The following TMEM233 variants were observed in gnomAD, a reference collection of about 807,000 sequenced individuals.
TMEM233 encodes transmembrane protein 233, also known as dispanin subfamily B member 2.
Under a neutral mutation model 11.2 loss-of-function variants are expected in TMEM233, and 6 were observed. The observed-to-expected ratio is 0.54, with a 90% CI of 0.29 to 1.06. TMEM233 has a LOEUF of 1.06. Ranked by LOEUF, TMEM233 falls within the 50% of genes least tolerant of loss-of-function variation. The probability of loss-of-function intolerance (pLI) is 0.08; values close to 1 mark genes in which losing one functional copy is unlikely to be tolerated. For missense variants in TMEM233, 127 were observed against 144.7 expected, an observed-to-expected ratio of 0.88 and a Z score of 0.63; for synonymous variants, 59 against 55.8, an observed-to-expected ratio of 1.06 and a Z score of -0.26.
At chr12:119,602,237 G>A (rs1028179116) in intron 1 of TMEM233, among the ~76,000 whole-genome samples, 2 of 152,206 alleles carry the variant, frequency 1.3e-5, no homozygotes, top group African/African-American at 2.4e-5. Flanking sequence ...CTTCAGCTAG[G>A]TGTAGGGAGA....
chr12:119,635,060 A>C (rs1954946567), intron 2 of TMEM233, among the ~76,000 whole-genome samples: 1 of 152,246 alleles, frequency 6.6e-6, no homozygotes, highest in Non-Finnish European at 1.5e-5. Context: ...TCCGCCCTCA[A>C]GCTGCTAGGG....
chr12:119,594,267 C>A lies in TMEM233; in HGVS notation c.186+233C>A. 1 of 505,636 alleles carries A rather than the reference C, an allele frequency of 2.0e-6. No individual in the cohort carries two copies. The highest frequency in any genetic ancestry group is 3.5e-6 in the Non-Finnish European group (1 of 286,058). 31.3% of individuals were successfully genotyped at this position (505,636 alleles called of 1,614,324 possible). A position where few individuals can be genotyped will look rare whatever the true frequency, so the allele number is the denominator to read the frequency against. On this transcript the variant is annotated intron_variant, in intron 1 of 2. Coordinates refer to ENST00000426426, the MANE Select transcript of TMEM233 (RefSeq NM_001136534.3). This position sits in a 1 kb window ranked among gnomAD's most constrained non-coding sequence, Gnocchi z 5.6. ...GTACTCAGAGCCCTGATCAAGCTTC[C>A]CCCAGGCTAGCTTTCCTCTTCTTTC... is the stretch of plus-strand genomic sequence containing the variant.
At chr12:119,625,494 T>C (rs12708371) in intron 1 of TMEM233, among the ~76,000 whole-genome samples, 116,004 of 151,924 alleles carry the variant, frequency 0.76, 44,523 homozygotes, top group Middle Eastern at 0.85. Context: ...CTCAGCCTCC[T>C]GAGAAACTTA....
At chr12:119,635,205 T>C (rs999220012) in intron 2 of TMEM233, among the ~76,000 whole-genome samples, 2 of 152,182 alleles carry the variant, frequency 1.3e-5, no homozygotes, top group Non-Finnish European at 2.9e-5. Flanking sequence ...CCTTGAGGAC[T>C]CAAGCAAGGT....
At chr12:119,615,415 T>C in intron 1 of TMEM233, among the ~76,000 whole-genome samples, 1 of 152,170 alleles carries the variant, frequency 6.6e-6, no homozygotes, top group South Asian at 2.1e-4. Flanking sequence ...TTCTCAAGTC[T>C]AGCTGCACTC....
intron 1 of TMEM233, among the ~76,000 whole-genome samples, chr12:119,605,239 C>G (rs898070465): frequency 6.6e-6 from 1 of 151,938 alleles, no homozygotes; most frequent in African/African-American, 2.4e-5. Context: ...CATATTGACA[C>G]AATTTCACTT....
intron 2 of TMEM233, among the ~76,000 whole-genome samples, chr12:119,638,971 A>G (rs1018527062): frequency 6.6e-6 from 1 of 151,414 alleles, no homozygotes; most frequent in African/African-American, 2.4e-5. Flanking sequence ...CTCCCATCCC[A>G]CATCCTCATC....
rs550721402 is a variant in TMEM233, at chr12:119,595,826, A to G, written c.186+1792A>G. On this transcript the variant is annotated intron_variant, in intron 1 of 2. Transcript: ENST00000426426. The surrounding 1 kb of genome is among the most constrained non-coding windows in gnomAD (Gnocchi z 4.3). The stretch of plus-strand genomic sequence containing the variant: ...TTCCCTGCTACCTTTTGACCAAATT[A>G]CTTCTCTCCATCTGATATAGTATTT... Among the ~76,000 whole-genome samples, 1 of 152,140 alleles carries G rather than the reference A, an allele frequency of 6.6e-6. No individual in the cohort carries two copies. The highest frequency in any genetic ancestry group is 1.5e-5 in the Non-Finnish European group (1 of 67,986).
chr12:119,618,682 G>A (rs1177605041), intron 1 of TMEM233, among the ~76,000 whole-genome samples: 2 of 152,102 alleles, frequency 1.3e-5, no homozygotes, highest in Non-Finnish European at 2.9e-5. Context: ...ACTTTGTTTT[G>A]GCCAATTTCT....
chr12:119,652,973 C>T, the TMEM233 span, among the ~76,000 whole-genome samples: 1 of 152,144 alleles, frequency 6.6e-6, no homozygotes, highest in Non-Finnish European at 1.5e-5. Flanking sequence ...CAAACCATAC[C>T]TTCGTAACAT....
At chr12:119,619,643 G>GA (rs200868440) in intron 1 of TMEM233, among the ~76,000 whole-genome samples, 2,085 of 126,896 alleles carry the variant, frequency 0.016, 13 homozygotes, top group Middle Eastern at 0.036. Flanking sequence ...CCTGTCTCAA[G>GA]AAAAAAAAAA....
downstream of TMEM233, among the ~76,000 whole-genome samples, chr12:119,645,320 C>CAAA (rs3078450): frequency 5.8e-3 from 431 of 74,798 alleles, 10 homozygotes; most frequent in African/African-American, 0.02. Context: ...CACCAATTAC[C>CAAA]AAAAAAAAAA....
chr12:119,639,934 CAAAAA>C (rs1291837090), intron 2 of TMEM233, among the ~76,000 whole-genome samples: 1 of 151,824 alleles, frequency 6.6e-6, no homozygotes, highest in Non-Finnish European at 1.5e-5. Flanking sequence ...ATGAGTAAAA[CAAAAA>C]AAGAAATTGC....
At chr12:119,615,924 C>T (rs1005744396) in intron 1 of TMEM233, among the ~76,000 whole-genome samples, 4 of 152,146 alleles carry the variant, frequency 2.6e-5, no homozygotes, top group East Asian at 3.8e-4. Context: ...ACTGTCTTGC[C>T]GTCCCCCACA....
In TMEM233 at chr12:119,642,605, G is replaced by T. The variant is rs1955099819; in HGVS notation, c.*1900G>T. 1 of 152,084 alleles carries T rather than the reference G, an allele frequency of 6.6e-6. No individual in the cohort carries two copies. Among genetic ancestry groups the T allele is most frequent in the Non-Finnish European group, 1.5e-5 (1 of 68,004 alleles). 9.4% of individuals were successfully genotyped at this position (152,084 alleles called of 1,614,324 possible). A position where few individuals can be genotyped will look rare whatever the true frequency, so the allele number is the denominator to read the frequency against. ...TAACTAGCTATGCAAGCTGATTTTA[G>T]GCAAGTTTCATAGCCTCTCTGTGCC... On this transcript the variant is annotated 3_prime_UTR_variant, in exon 3 of 3. Coordinates refer to ENST00000426426, the MANE Select transcript of TMEM233 (RefSeq NM_001136534.3).
chr12:119,633,895 G>A (rs754639328), intron 2 of TMEM233, among the ~76,000 whole-genome samples: 13 of 151,770 alleles, frequency 8.6e-5, no homozygotes, highest in African/African-American at 3.1e-4. Context: ...GTTAGCATCC[G>A]AGCCTCACCT....
chr12:119,620,965 C>G (rs761957522), intron 1 of TMEM233, among the ~76,000 whole-genome samples: 5 of 152,154 alleles, frequency 3.3e-5, no homozygotes, highest in Non-Finnish European at 7.4e-5. Context: ...ACTGTAACCT[C>G]AAACTCCTGC....
intron 2 of TMEM233, among the ~76,000 whole-genome samples, chr12:119,633,493 G>C (rs1400407946): frequency 2.6e-5 from 4 of 152,178 alleles, no homozygotes; most frequent in Non-Finnish European, 5.9e-5. Flanking sequence ...AGGCTGAGAT[G>C]GGAGGATCAC....
chr12:119,622,489 G>T (rs1195182507), intron 1 of TMEM233, among the ~76,000 whole-genome samples: 3 of 152,136 alleles, frequency 2.0e-5, no homozygotes, highest in Admixed American at 2.0e-4. Context: ...TTCAGAAAAA[G>T]ATTTATAAAC....
Sources: allele counts gnomAD v4.1 joint callset (sites outside exome capture counted in the v4.1 genomes callset), GRCh38; gene constraint gnomAD v4.1.1; non-coding constraint Gnocchi (gnomAD v3.1); transcripts MANE v1.5; gene names NCBI Gene and HGNC (gene_info 2026-07-23, HGNC 2026-07-21).